Variants in TRIM47 observed in about 807,000 individuals in gnomAD.
TRIM47 encodes E3 ubiquitin-protein ligase TRIM47.
Under a neutral mutation model 54.4 loss-of-function variants are expected in TRIM47, and 46 were observed. The ratio of observed to expected loss-of-function variants is 0.84; its 90% CI spans 0.67 to 1.08. The LOEUF (loss-of-function observed/expected upper bound fraction) is 1.08. Ranked by LOEUF, TRIM47 falls within the 50% of genes least tolerant of loss-of-function variation. The pLI is 0.00. For missense variants in TRIM47, 825 were observed against 910.1 expected, an observed-to-expected ratio of 0.91 and a Z score of 1.20; for synonymous variants, 392 against 410.2, an observed-to-expected ratio of 0.96 and a Z score of 0.54.
chr17:75,874,775 T>A lies in TRIM47; in HGVS notation c.1625A>T (p.His542Leu), dbSNP rs1204676800. The change falls in exon 6 of 6, where the codon CAC (histidine) becomes CTC (leucine). Residue 542 changes from histidine to leucine, a missense_variant. Coordinates refer to ENST00000254816, the MANE Select transcript of TRIM47 (RefSeq NM_033452.3). This position sits in a 1 kb window ranked among gnomAD's most constrained non-coding sequence, Gnocchi z 6.2. ...GACCCCAACCGTGGGCGAGAAGGGG[T>A]GGGGCAGGGGAGCCTCCAGCCCATG... is the stretch of plus-strand genomic sequence containing the variant. ...WFHGLEAPLP[H>L]PFSPTVGVCL... The A allele has an allele frequency of 1.2e-6, 2 of 1,613,690 alleles. No homozygotes were observed. The highest frequency in any genetic ancestry group is 1.7e-6 in the Non-Finnish European group (2 of 1,179,954).
At position 75,878,388 on chromosome 17, in the gene TRIM47, C is replaced by A. The variant is rs866255692; in HGVS notation, c.161G>T (p.Cys54Phe). ...GAGGPGGAAR[C>F]PLCQEPFPDG... Reference sequence around the variant, plus strand: ...GGGGAAGGGCTCCTGGCACAGCGGGCAGCGGGCCGCGCCTCCGGGTCCGCC... The same window carrying A: ...GGGGAAGGGCTCCTGGCACAGCGGGAAGCGGGCCGCGCCTCCGGGTCCGCC... Residue 54 changes from cysteine to phenylalanine, a missense_variant, in exon 1 of 6, where the codon TGC becomes TTC. Coordinates refer to ENST00000254816, the MANE Select transcript of TRIM47 (RefSeq NM_033452.3). The A allele has an allele frequency of 2.1e-6, 3 of 1,412,428 alleles. No individual in the cohort carries two copies. The highest frequency in any genetic ancestry group is 2.8e-6 in the Non-Finnish European group (3 of 1,076,634). 87.5% of individuals were successfully genotyped at this position (1,412,428 alleles called of 1,614,324 possible).
chr17:75,875,240 C>A lies in TRIM47; in HGVS notation c.1277-117G>T. On this transcript the variant is annotated intron_variant, in intron 5 of 5. Transcript: ENST00000254816. This position sits in a 1 kb window ranked among gnomAD's most constrained non-coding sequence, Gnocchi z 6.1. ...CCTCTCCCCTGCTTTCCAACCGGCA[C>A]AACCCAGCCCCGCCGGGGACCACCC... 6.9e-7 allele frequency: 1 copy of A among 1,440,644 alleles called. No individual in the cohort carries two copies. Among genetic ancestry groups the A allele is most frequent in the Non-Finnish European group, 9.4e-7 (1 of 1,067,142 alleles). The allele number at this position is 1,440,644 out of a possible 1,614,324, so 89.2% of individuals were successfully genotyped here. A position where few individuals can be genotyped will look rare whatever the true frequency, so the allele number is the denominator to read the frequency against.
intron 1 of TRIM47, 81 bp downstream of exon 1, chr17:75,877,793 T>TG: frequency 3.9e-6 from 5 of 1,271,090 alleles, no homozygotes; most frequent in Non-Finnish European, 5.0e-6. Flanking sequence ...CCGGGAAGAC[T>TG]GGGGGGTCCA....
At chr17:75,876,608 G>T in intron 2 of TRIM47, 110 bp downstream of exon 2, 1 of 1,518,286 alleles carries the variant, frequency 6.6e-7, no homozygotes, top group Admixed American at 1.9e-5. Context: ...AGAGGGGCCA[G>T]ACTGAGCCTG....
In TRIM47 at chr17:75,876,739, C is replaced by T; in HGVS notation, c.750G>A (p.Arg250=). The change falls in exon 2 of 6, where the codon AGG becomes AGA. Residue 250 remains arginine (R), a synonymous_variant. Coordinates refer to ENST00000254816, the MANE Select transcript of TRIM47 (RefSeq NM_033452.3). The part of the protein sequence containing the change: ...DELGAGIAQS[R]RTVALIKSAA... Reference sequence around the variant, plus strand: ...TGACCTTGATGAGGGCCACTGTGCGCCTGGACTGTGCAATGCCAGCACCCA... The same window carrying T: ...TGACCTTGATGAGGGCCACTGTGCGTCTGGACTGTGCAATGCCAGCACCCA... The T allele has an allele frequency of 6.2e-7, 1 of 1,614,184 alleles. No individual in the cohort carries two copies. Among genetic ancestry groups the T allele is most frequent in the South Asian group, 1.1e-5 (1 of 91,086 alleles).
rs1199487065 is a variant in TRIM47 at position 75,874,735 on chromosome 17, AGC to A, written c.1663_1664del (p.Ala555Ter). On this transcript the variant is annotated frameshift_variant, in exon 6 of 6. Transcript: ENST00000254816. LOFTEE classifies it high-confidence loss of function. The surrounding 1 kb of genome is among the most constrained non-coding windows in gnomAD (Gnocchi z 6.2). ...SPTVGVCLEY[A>X]DRALAFYAVR... The stretch of plus-strand genomic sequence containing the variant: ...CAGCATAGAAGGCCAAGGCACGGTC[AGC>A]GTATTCCAGGCAGACCCCAACCGTG... 6.2e-7 allele frequency: 1 copy of A among 1,613,924 alleles called. No individual in the cohort carries two copies. The highest frequency in any genetic ancestry group is 1.3e-5 in the African/African-American group (1 of 74,946).
At position 75,874,745 on chromosome 17, in the gene TRIM47, A is replaced by C; in HGVS notation, c.1655T>G (p.Leu552Arg). 6.2e-7 allele frequency: 1 copy of C among 1,614,018 alleles called. No individual in the cohort carries two copies. Among genetic ancestry groups the C allele is most frequent in the Non-Finnish European group, 8.5e-7 (1 of 1,180,014 alleles). The stretch of plus-strand genomic sequence containing the variant: ...GGCCAAGGCACGGTCAGCGTATTCC[A>C]GGCAGACCCCAACCGTGGGCGAGAA... The part of the protein sequence containing the change: ...HPFSPTVGVC[L>R]EYADRALAFY... Residue 552 changes from leucine (L) to arginine (R), a missense_variant, in exon 6 of 6, where the codon CTG (leucine) becomes CGG (arginine). Leu to Arg is a moderately radical substitution (Grantham distance 102). Transcript: ENST00000254816. The surrounding 1 kb of genome is among the most constrained non-coding windows in gnomAD (Gnocchi z 6.2).
At position 75,878,264 on chromosome 17, in the gene TRIM47, C is replaced by T. The variant is rs2065148046; in HGVS notation, c.285G>A (p.Leu95=). ...PGSGPGPAPA[L]APEPSAPSAL... ...CGCTGGGTGCCGAGGGCTCCGGGGCCAGGGCAGGGGCCGGGCCGGGGCCGG... is the reference window on the plus strand; with the variant it reads ...CGCTGGGTGCCGAGGGCTCCGGGGCTAGGGCAGGGGCCGGGCCGGGGCCGG... Residue 95 remains leucine, a synonymous_variant, in exon 1 of 6, where the codon CTG becomes CTA. Transcript: ENST00000254816. 1.6e-6 allele frequency: 2 copies of T among 1,244,502 alleles called. No homozygotes were observed. Among genetic ancestry groups the T allele is most frequent in the Admixed American group, 4.3e-5 (1 of 23,508 alleles). The allele number at this position is 1,244,502 out of a possible 1,614,324, so 77.1% of individuals were successfully genotyped here.
Position 75,874,736 on chromosome 17 carries a change from G to C in TRIM47, c.1664C>G (p.Ala555Gly). The C allele has an allele frequency of 6.2e-7, 1 of 1,614,070 alleles. No individual in the cohort carries two copies. Among genetic ancestry groups the C allele is most frequent in the Non-Finnish European group, 8.5e-7 (1 of 1,180,032 alleles). Residue 555 changes from alanine (A) to glycine (G), a missense_variant, in exon 6 of 6, where the codon GCT (alanine) becomes GGT (glycine). Coordinates refer to ENST00000254816, the MANE Select transcript of TRIM47 (RefSeq NM_033452.3). This position sits in a 1 kb window ranked among gnomAD's most constrained non-coding sequence, Gnocchi z 6.2. Reference protein sequence around the residue: ...SPTVGVCLEYADRALAFYAVR... With the variant: ...SPTVGVCLEYGDRALAFYAVR... ...AGCATAGAAGGCCAAGGCACGGTCA[G>C]CGTATTCCAGGCAGACCCCAACCGT...
rs3744019 is a variant in TRIM47, at chr17:75,875,437, G to A, written c.1239C>T (p.Leu413=). The change falls in exon 5 of 6, where the codon CTC becomes CTT. Residue 413 remains leucine (L), a synonymous_variant. Coordinates refer to ENST00000254816, the MANE Select transcript of TRIM47 (RefSeq NM_033452.3). The surrounding 1 kb of genome is among the most constrained non-coding windows in gnomAD (Gnocchi z 6.1). ...AGTCCCTGGGAGCTTCACTCTCCAA[G>A]AGGTTCGTACTCTCGAGGTCTTGGG... ...AEPQDLESTN[L]LESEAPRDYF... is the part of the protein sequence containing the mutation. 263 of 1,614,128 alleles carry A rather than the reference G, an allele frequency of 1.6e-4. 3 individuals carry two copies. In the East Asian group the frequency reaches 5.7e-3, roughly 35 times the overall value.
At chr17:75,877,766 G>A in intron 1 of TRIM47, 108 bp downstream of exon 1, 17 of 1,254,344 alleles carry the variant, frequency 1.4e-5, no homozygotes, top group South Asian at 3.0e-5. Context: ...GGTTAGAGGA[G>A]GAGATTAAGA....
In TRIM47 at chr17:75,875,823, G is replaced by A; in HGVS notation, c.1201+78C>T. 1 of 1,499,968 alleles carries A rather than the reference G, an allele frequency of 6.7e-7. No homozygotes were observed. The highest frequency in any genetic ancestry group is 9.0e-7 in the Non-Finnish European group (1 of 1,112,720). The allele number at this position is 1,499,968 out of a possible 1,614,324, so 92.9% of individuals were successfully genotyped here. ...GCACAATTTTCCTCCTCCACTTCTG[G>A]ATGGGCGCCAGGCCTGGGGGCCTGT... is the stretch of plus-strand genomic sequence containing the variant. On this transcript the variant is annotated intron_variant, in intron 4 of 5. Coordinates refer to ENST00000254816, the MANE Select transcript of TRIM47 (RefSeq NM_033452.3). The surrounding 1 kb of genome is among the most constrained non-coding windows in gnomAD (Gnocchi z 6.1).
In TRIM47 at chr17:75,874,816, G is replaced by A. The variant is rs1451940263; in HGVS notation, c.1584C>T (p.Ser528=). 3.1e-6 allele frequency: 5 copies of A among 1,613,970 alleles called. No homozygotes were observed. The highest frequency in any genetic ancestry group is 4.2e-6 in the Non-Finnish European group (5 of 1,180,016). Residue 528 remains serine (S), a synonymous_variant, in exon 6 of 6, where the codon AGC becomes AGT. Coordinates refer to ENST00000254816, the MANE Select transcript of TRIM47 (RefSeq NM_033452.3). The surrounding 1 kb of genome is among the most constrained non-coding windows in gnomAD (Gnocchi z 6.2). ...HSCCLQWNGR[S]FSVWFHGLEA... is the part of the protein sequence containing the mutation. Reference sequence around the variant, plus strand: ...CCAGCCCATGAAACCAGACGGAGAAGCTGCGTCCATTCCACTGCAGGCAGC... The same window carrying A: ...CCAGCCCATGAAACCAGACGGAGAAACTGCGTCCATTCCACTGCAGGCAGC...
At position 75,876,810 on chromosome 17, in the gene TRIM47, C is replaced by A; in HGVS notation, c.679G>T (p.Glu227Ter). 1 of 1,613,912 alleles carries A rather than the reference C, an allele frequency of 6.2e-7. No individual in the cohort carries two copies. The highest frequency in any genetic ancestry group is 1.1e-5 in the South Asian group (1 of 91,070). Residue 227 changes from glutamate to a stop codon, truncating the protein, a stop_gained, in exon 2 of 6, where the codon GAG becomes TAG. Transcript: ENST00000254816. LOFTEE classifies it high-confidence loss of function. ...LEQERALQEA[E>*]QSKVLSAVED... ...ACGGCGCTCAGGACTTTGGACTGCT[C>A]AGCCTGTGGACAACACCCTCCATGA... is the stretch of plus-strand genomic sequence containing the variant.
At position 75,876,002 on chromosome 17, in the gene TRIM47, C is replaced by A; in HGVS notation, c.1100G>T (p.Arg367Leu). ...CACGGCCAGCATGTCTCTCACTGCA[C>A]GGACAGCTTGGGATGATTTGGTGAA... ...LSFTKSSQAV[R>L]AVRDMLAVAC... The change falls in exon 4 of 6, where the codon CGT becomes CTT. Residue 367 changes from arginine (R) to leucine (L), a missense_variant. Arg to Leu is a moderately radical substitution (Grantham distance 102). Transcript: ENST00000254816. The A allele has an allele frequency of 6.2e-7, 1 of 1,606,302 alleles. No homozygotes were observed.
rs1255318046 is a variant in TRIM47, at chr17:75,876,826, C to A, written c.676-13G>T. 3.7e-6 allele frequency: 6 copies of A among 1,613,422 alleles called. No homozygotes were observed. In the South Asian group the frequency reaches 5.5e-5, roughly 15 times the overall value. On this transcript the variant is annotated splice_polypyrimidine_tract_variant and intron_variant, in intron 1 of 5. Coordinates refer to ENST00000254816, the MANE Select transcript of TRIM47 (RefSeq NM_033452.3). ...TGGACTGCTCAGCCTGTGGACAACA[C>A]CCTCCATGAGTGTGAGGTCTGGCAG...
Position 75,875,513 on chromosome 17 carries a change from T to A in TRIM47, c.1202-39A>T. The A allele has an allele frequency of 1.3e-6, 2 of 1,569,252 alleles. No individual in the cohort carries two copies. Among genetic ancestry groups the A allele is most frequent in the South Asian group, 1.1e-5 (1 of 90,008 alleles). On this transcript the variant is annotated intron_variant, in intron 4 of 5. Transcript: ENST00000254816. The surrounding 1 kb of genome is among the most constrained non-coding windows in gnomAD (Gnocchi z 6.1). ...GACAGTGGTGAGAACGCCCCCAGACTGCCCCCCTCTGAACCTGTGACTACA... is the reference window on the plus strand; with the variant it reads ...GACAGTGGTGAGAACGCCCCCAGACAGCCCCCCTCTGAACCTGTGACTACA...
Position 75,878,538 on chromosome 17 carries a change from C to T in TRIM47, c.11G>A (p.Ser4Asn). The change falls in exon 1 of 6, where the codon AGT becomes AAT. Residue 4 changes from serine (S) to asparagine (N), a missense_variant. By Grantham distance (46) the Ser-to-Asn change is conservative (BLOSUM62 1). Transcript: ENST00000254816. Reference sequence around the variant, plus strand: ...GCAGATGGGGCAGCTGAAGGGTCCACTGCCGTCCATGACTCCGCGGCCGCC... The same window carrying T: ...GCAGATGGGGCAGCTGAAGGGTCCATTGCCGTCCATGACTCCGCGGCCGCC... MDG[S>N]GPFSCPICLE... The T allele has an allele frequency of 1.5e-6, 2 of 1,297,274 alleles. No individual in the cohort carries two copies. The highest frequency in any genetic ancestry group is 2.6e-5 in the South Asian group (1 of 37,914). The allele number at this position is 1,297,274 out of a possible 1,614,324, so 80.4% of individuals were successfully genotyped here. A position where few individuals can be genotyped will look rare whatever the true frequency, so the allele number is the denominator to read the frequency against.
In TRIM47 at chr17:75,876,730, C is replaced by T; in HGVS notation, c.759G>A (p.Val253=). 6.2e-7 allele frequency: 1 copy of T among 1,614,162 alleles called. No individual in the cohort carries two copies. Among genetic ancestry groups the T allele is most frequent in the Non-Finnish European group, 8.5e-7 (1 of 1,180,012 alleles). Residue 253 remains valine (V), a synonymous_variant, in exon 2 of 6, where the codon GTG becomes GTA. Transcript: ENST00000254816. The part of the protein sequence containing the change: ...GAGIAQSRRT[V]ALIKSAAVAE... ...AGGGGTGTTTGACCTTGATGAGGGCCACTGTGCGCCTGGACTGTGCAATGC... is the reference window on the plus strand; with the variant it reads ...AGGGGTGTTTGACCTTGATGAGGGCTACTGTGCGCCTGGACTGTGCAATGC...
Sources: allele counts gnomAD v4.1 joint callset, GRCh38; gene constraint gnomAD v4.1.1; non-coding constraint Gnocchi (gnomAD v3.1); transcripts MANE v1.5; gene names NCBI Gene and HGNC (gene_info 2026-07-23, HGNC 2026-07-21).